The following BTBD2 variants were observed in gnomAD, a reference collection of about 807,000 sequenced individuals.
BTBD2 encodes BTB/POZ domain-containing protein 2.
A neutral mutation model predicts 44.0 loss-of-function variants in BTBD2; 15 were observed. That is an observed-to-expected ratio of 0.34 (90% CI 0.23 to 0.53). The LOEUF is 0.53. Ranked by LOEUF, BTBD2 falls within the 20% of genes least tolerant of loss-of-function variation. The pLI is 0.95. For synonymous variants in BTBD2, 443 were observed against 335.9 expected (o/e 1.32, Z -3.49); for missense variants, 657 against 746.4 (o/e 0.88, Z 1.39).
intron 1 of BTBD2, among the ~76,000 whole-genome samples, chr19:2,005,593 C>T (rs983280285): frequency 6.6e-6 from 1 of 150,914 alleles, no homozygotes; most frequent in Non-Finnish European, 1.5e-5. Context: ...ACCAGCCTGA[C>T]CAATAGGATG....
intron 1 of BTBD2, among the ~76,000 whole-genome samples, chr19:1,999,278 C>T (rs550368049): frequency 3.4e-4 from 52 of 152,292 alleles, no homozygotes; most frequent in Admixed American, 2.9e-3. Flanking sequence ...CCTCGGAATG[C>T]GAGGCCCGGC....
rs576424257 is a variant in BTBD2, at chr19:1,985,616, CT to C, written c.*871del. 6.6e-6 allele frequency: 1 copy of C among 152,402 alleles called. No homozygotes were observed. Among genetic ancestry groups the C allele is most frequent in the South Asian group, 2.1e-4 (1 of 4,830 alleles). 9.4% of individuals were successfully genotyped at this position (152,402 alleles called of 1,614,324 possible). A position where few individuals can be genotyped will look rare whatever the true frequency, so the allele number is the denominator to read the frequency against. The stretch of plus-strand genomic sequence containing the variant: ...TGGGGAGGGGCTGTGCCCCCAGCAC[CT>C]GGGGGTGGCTCCCACGGCACCAGGT... On this transcript the variant is annotated 3_prime_UTR_variant, in exon 9 of 9. Coordinates refer to ENST00000255608, the MANE Select transcript of BTBD2 (RefSeq NM_017797.4).
At chr19:2,014,851 G>A (rs1326163340) in intron 1 of BTBD2, among the ~76,000 whole-genome samples, 2 of 150,964 alleles carry the variant, frequency 1.3e-5, no homozygotes, top group East Asian at 2.0e-4. Context: ...CAGGCTGGGG[G>A]CGCAAGCCAG....
intron 1 of BTBD2, among the ~76,000 whole-genome samples, chr19:2,006,424 T>C (rs139690810): frequency 2.0e-4 from 31 of 151,814 alleles, no homozygotes; most frequent in Admixed American, 7.2e-4. Flanking sequence ...GGAGAATCAC[T>C]TGAACCCAGG....
rs2016158705 is a variant in BTBD2, at chr19:1,990,404, G to GT, written c.791-204dup. The stretch of plus-strand genomic sequence containing the variant: ...CCCTTCATTTTCCTCGGCTGTGGTT[G>GT]TTTTTAAGCCACAAGGACAGACTTG... On this transcript the variant is annotated intron_variant, in intron 4 of 8. Coordinates refer to ENST00000255608, the MANE Select transcript of BTBD2 (RefSeq NM_017797.4). The GT allele has an allele frequency of 9.2e-6, 6 of 649,484 alleles. No homozygotes were observed. In the African/African-American group the frequency reaches 1.1e-4, roughly 12 times the overall value. The allele number at this position is 649,484 out of a possible 1,614,324, so 40.2% of individuals were successfully genotyped here.
chr19:2,002,945 C>T (rs189139015), intron 1 of BTBD2: 21 of 151,492 alleles, frequency 1.4e-4, no homozygotes, highest in African/African-American at 3.4e-4. Flanking sequence ...TGAGGAATCA[C>T]TTGCTGTGGA....
Position 1,986,484 on chromosome 19 carries a change from C to T in BTBD2, c.*4G>A. ...GAGGGAGGGCGGTGTCGGTGTCGGG[C>T]AGCCTAGGTGTAGAAGATGACCTCG... On this transcript the variant is annotated 3_prime_UTR_variant, in exon 9 of 9. Transcript: ENST00000255608. The T allele has an allele frequency of 6.2e-7, 1 of 1,612,374 alleles. No homozygotes were observed. The highest frequency in any genetic ancestry group is 8.5e-7 in the Non-Finnish European group (1 of 1,178,676).
rs145760224 is a variant in BTBD2, at chr19:1,986,554, C to T, written c.1512G>A (p.Ala504=). The change falls in exon 9 of 9, where the codon GCG becomes GCA. Residue 504 remains alanine (A), a synonymous_variant. Transcript: ENST00000255608. ...CGGATGTGCCATTGTTGTTCCCGGC[C>T]GCGTAGCAAAAGGTGAAGCAGGTCT... ...GAKTCFTFCY[A]AGNNNGTSVE... is the part of the protein sequence containing the mutation. The T allele has an allele frequency of 7.0e-4, 1,127 of 1,614,058 alleles. 6 individuals are homozygous for T. In the African/African-American group the frequency reaches 0.013, roughly 19 times the overall value.
rs2016095197 is a variant in BTBD2, at chr19:1,986,992, A to C, written c.1270-16T>G. ...TGTGAATAATCTGCGGGGAGGTGGG[A>C]AGTGGGAGGCTCAGGCCTGGGGAGG... On this transcript the variant is annotated splice_polypyrimidine_tract_variant and intron_variant, in intron 7 of 8. Coordinates refer to ENST00000255608, the MANE Select transcript of BTBD2 (RefSeq NM_017797.4). 6.2e-7 allele frequency: 1 copy of C among 1,608,126 alleles called. No homozygotes were observed. The highest frequency in any genetic ancestry group is 1.3e-5 in the African/African-American group (1 of 74,764).
intron 5 of BTBD2, among the ~76,000 whole-genome samples, chr19:1,988,752 C>T (rs900704257): frequency 1.3e-5 from 2 of 150,440 alleles, no homozygotes; most frequent in Non-Finnish European, 1.5e-5. Flanking sequence ...TACAGGCATG[C>T]GCCACCATGC....
chr19:1,989,911 G>C (rs985435161), intron 5 of BTBD2, 93 bp downstream of exon 5: 1 of 1,423,078 alleles, frequency 7.0e-7, no homozygotes, highest in Non-Finnish European at 9.7e-7. Context: ...CAGGCTTTCC[G>C]CAGTGAACTC....
rs566622690 is a variant in BTBD2, at chr19:1,986,150, G to A, written c.*338C>T. On this transcript the variant is annotated 3_prime_UTR_variant, in exon 9 of 9. Transcript: ENST00000255608. ...GTGAAGAGACGCGAGGGACGCCCGC[G>A]GCGCACCGCCGGCAGACGACGTGGG... 5 of 346,236 alleles carry A rather than the reference G, an allele frequency of 1.4e-5. No homozygotes were observed. The highest frequency in any genetic ancestry group is 5.5e-5 in the East Asian group (1 of 18,330). 21.4% of individuals were successfully genotyped at this position (346,236 alleles called of 1,614,324 possible).
intron 3 of BTBD2, among the ~76,000 whole-genome samples, chr19:1,991,639 C>A (rs534610162): frequency 2.4e-4 from 37 of 152,344 alleles, no homozygotes; most frequent in African/African-American, 8.2e-4. Context: ...GGAGAAGGTT[C>A]TGGGTCCTTT....
In BTBD2 at chr19:2,015,490, C is replaced by G; in HGVS notation, c.214G>C (p.Ala72Pro). 1 of 1,172,384 alleles carries G rather than the reference C, an allele frequency of 8.5e-7. No homozygotes were observed. Among genetic ancestry groups the G allele is most frequent in the Non-Finnish European group, 1.0e-6 (1 of 953,470 alleles). The allele number at this position is 1,172,384 out of a possible 1,614,324, so 72.6% of individuals were successfully genotyped here. ...PPGPGTDAQA[A>P]GAERAEEAAG... ...GCCTCCTCCGCCCGCTCCGCGCCCGCGGCCTGCGCGTCTGTCCCGGGGCCC... is the reference window on the plus strand; with the variant it reads ...GCCTCCTCCGCCCGCTCCGCGCCCGGGGCCTGCGCGTCTGTCCCGGGGCCC... Residue 72 changes from alanine (A) to proline (P), a missense_variant, in exon 1 of 9, where the codon GCG (alanine) becomes CCG (proline). Ala to Pro is a conservative substitution (Grantham distance 27). Around this residue, in one of 3 missense-constraint regions of BTBD2, gnomAD observed 191 missense variants for 188.5 expected, o/e 1.01. Coordinates refer to ENST00000255608, the MANE Select transcript of BTBD2 (RefSeq NM_017797.4).
At chr19:2,012,992 C>G (rs2016486476) in intron 1 of BTBD2, among the ~76,000 whole-genome samples, 1 of 152,152 alleles carries the variant, frequency 6.6e-6, no homozygotes, top group Non-Finnish European at 1.5e-5. Context: ...AAACCCACCG[C>G]CCCTCACTCC....
At chr19:1,994,845 T>C (rs1359679977) in intron 2 of BTBD2, among the ~76,000 whole-genome samples, 1 of 152,226 alleles carries the variant, frequency 6.6e-6, no homozygotes, top group Non-Finnish European at 1.5e-5. Flanking sequence ...CTTTGAGGTA[T>C]ACATTTTTAA....
chr19:1,986,777 T>C, intron 8 of BTBD2, 53 bp downstream of exon 8: 2 of 1,572,742 alleles, frequency 1.3e-6, no homozygotes, highest in Middle Eastern at 2.0e-4. Flanking sequence ...CCCCGGTGGC[T>C]TCAGGATGGG....
intron 6 of BTBD2, 27 bp downstream of exon 6, chr19:1,987,473 C>A (rs985571961): frequency 6.0e-6 from 9 of 1,510,362 alleles, no homozygotes; most frequent in Non-Finnish European, 8.0e-6. Flanking sequence ...CATGTCCGGA[C>A]CCCCCCGCCT....
intron 3 of BTBD2, chr19:1,991,841 G>A (rs563574730): frequency 2.6e-5 from 4 of 152,230 alleles, no homozygotes; most frequent in Non-Finnish European, 5.9e-5. Flanking sequence ...GAGCCCAACT[G>A]GGGTCCCCTG....
Sources: gnomAD v4.1 joint callset for allele counts (sites outside exome capture counted in the v4.1 genomes callset) on GRCh38, gnomAD v4.1.1 for gene constraint, gnomAD v4.1.1 regional missense constraint, MANE v1.5 for transcripts, NCBI Gene and HGNC (gene_info 2026-07-23, HGNC 2026-07-21) for gene names.